The following GSTO2 variants were observed in gnomAD, a reference collection of about 807,000 sequenced individuals.
The protein encoded by GSTO2 is glutathione S-transferase omega-2.
A neutral mutation model predicts 28.4 loss-of-function variants in GSTO2; 23 were observed. That is an observed-to-expected ratio of 0.81 (90% CI 0.58 to 1.15). The LOEUF (loss-of-function observed/expected upper bound fraction) is 1.15, where lower values mean the gene tolerates loss of function less well. Ranked by LOEUF, GSTO2 falls within the 50% of genes most tolerant of loss-of-function variation. The probability of loss-of-function intolerance (pLI) is 0.00; values close to 1 mark genes in which losing one functional copy is unlikely to be tolerated. For missense variants in GSTO2, 298 were observed against 297.8 expected (o/e 1.00, Z 0.00); for synonymous variants, 109 against 111.0 (o/e 0.98, Z 0.11).
intron 6 of GSTO2, among the ~76,000 whole-genome samples, chr10:104,297,894 C>T (rs1322259837): frequency 1.3e-5 from 2 of 152,182 alleles, no homozygotes; most frequent in Non-Finnish European, 2.9e-5. Context: ...TTCTGCAGAT[C>T]AGACCCCTAG....
chr10:104,299,103 C>T, intron 6 of GSTO2, 25 bp from the exon 7 acceptor site: 1 of 1,608,048 alleles, frequency 6.2e-7, no homozygotes, highest in Non-Finnish European at 8.5e-7. Flanking sequence ...CTGCACTGTG[C>T]TGACGCTTCT....
rs979238391 is a variant in GSTO2 at position 104,275,033 on chromosome 10, C to A, written c.34+84C>A. 1.4e-5 allele frequency: 22 copies of A among 1,529,484 alleles called. No homozygotes were observed. In the African/African-American group the frequency reaches 3.1e-4, roughly 22 times the overall value. The allele number at this position is 1,529,484 out of a possible 1,614,324, so 94.7% of individuals were successfully genotyped here. ...TTCGGCGGAGCTGCCTGGCCTTGGC[C>A]TGCAGACCGGCGGGGCAGGAAGGGA... On this transcript the variant is annotated intron_variant, in intron 2 of 6. Coordinates refer to ENST00000338595, the MANE Select transcript of GSTO2 (RefSeq NM_183239.2).
chr10:104,280,282 C>T (rs922077983), intron 5 of GSTO2, among the ~76,000 whole-genome samples: 1 of 150,946 alleles, frequency 6.6e-6, no homozygotes, highest in Non-Finnish European at 1.5e-5. Flanking sequence ...CTCTGTCATC[C>T]TTAGCACAAC....
At position 104,304,551 on chromosome 10, in the gene GSTO2, G is replaced by C. The variant is rs1331478361; in HGVS notation, c.*5267G>C. 2.0e-5 allele frequency: 3 copies of C among 152,096 alleles called. No individual in the cohort carries two copies. The highest frequency in any genetic ancestry group is 7.2e-5 in the African/African-American group (3 of 41,416). 9.4% of individuals were successfully genotyped at this position (152,096 alleles called of 1,614,324 possible). On this transcript the variant is annotated 3_prime_UTR_variant, in exon 7 of 7. Transcript: ENST00000338595. The stretch of plus-strand genomic sequence containing the variant: ...GCCTCAGTTTCTTATCTGTAAAATG[G>C]GACGGCTAAGTACCTATTTCATTGG...
intron 5 of GSTO2, among the ~76,000 whole-genome samples, chr10:104,292,201 C>CT (rs35690921): frequency 0.047 from 6,526 of 137,952 alleles, 465 homozygotes; most frequent in African/African-American, 0.16. Context: ...TGGCCAATAT[C>CT]TTTTTTTTTT....
At chr10:104,279,271 G>A in intron 4 of GSTO2, 99 bp from the exon 5 acceptor site, 1 of 962,258 alleles carries the variant, frequency 1.0e-6, no homozygotes, top group Middle Eastern at 2.5e-4. Context: ...GTGTTGCCCT[G>A]TTAGGCTGGA....
At chr10:104,298,590 T>C (rs951786424) in intron 6 of GSTO2, among the ~76,000 whole-genome samples, 2 of 152,258 alleles carry the variant, frequency 1.3e-5, no homozygotes, top group African/African-American at 4.8e-5. Flanking sequence ...CTTCAGCTTA[T>C]TGCTTTATAA....
At chr10:104,290,069 TC>T (rs2012684343) in intron 5 of GSTO2, among the ~76,000 whole-genome samples, 1 of 152,138 alleles carries the variant, frequency 6.6e-6, no homozygotes, top group East Asian at 1.9e-4. Flanking sequence ...GATCCAGCAA[TC>T]CCACTGCTGG....
intron 5 of GSTO2, among the ~76,000 whole-genome samples, chr10:104,289,134 T>A (rs1010451176): frequency 6.6e-6 from 1 of 152,198 alleles, no homozygotes; most frequent in African/African-American, 2.4e-5. Flanking sequence ...GGTCTCACTC[T>A]GTCACTCAGG....
At position 104,303,978 on chromosome 10, in the gene GSTO2, A is replaced by T. The variant is rs961781241; in HGVS notation, c.*4694A>T. 1.3e-5 allele frequency: 2 copies of T among 152,140 alleles called. No homozygotes were observed. Among genetic ancestry groups the T allele is most frequent in the African/African-American group, 2.4e-5 (1 of 41,428 alleles). The allele number at this position is 152,140 out of a possible 1,614,324, so 9.4% of individuals were successfully genotyped here. On this transcript the variant is annotated 3_prime_UTR_variant, in exon 7 of 7. Transcript: ENST00000338595. Reference sequence around the variant, plus strand: ...TTCTCACCTTCAGGTCTCCTTACCCATGTTTCCTTTGTCAGAGTCATTGGC... The same window carrying T: ...TTCTCACCTTCAGGTCTCCTTACCCTTGTTTCCTTTGTCAGAGTCATTGGC...
In GSTO2 at chr10:104,285,803, A is replaced by G. The variant is rs772154867; in HGVS notation, c.468+6332A>G. 3.3e-4 allele frequency: 68 copies of G among 208,146 alleles called. 1 individual carries two copies. Among genetic ancestry groups the G allele is most frequent in the Non-Finnish European group, 6.0e-4 (59 of 98,666 alleles). 12.9% of individuals were successfully genotyped at this position (208,146 alleles called of 1,614,324 possible). On this transcript the variant is annotated intron_variant, in intron 5 of 6. Coordinates refer to ENST00000338595, the MANE Select transcript of GSTO2 (RefSeq NM_183239.2). ...TTAAACTGTTCTTTCTTCTCATCAA[A>G]AAAGACATTTATTCAAGTTAGATTA...
intron 1 of GSTO2, among the ~76,000 whole-genome samples, chr10:104,269,542 G>A (rs148931908): frequency 1.3e-5 from 2 of 152,298 alleles, no homozygotes; most frequent in East Asian, 3.9e-4. Context: ...GCTGGAAACA[G>A]GCAGAGACCA....
At chr10:104,283,087 A>G (rs994713573) in intron 5 of GSTO2, among the ~76,000 whole-genome samples, 2 of 152,232 alleles carry the variant, frequency 1.3e-5, no homozygotes, top group South Asian at 2.1e-4. Context: ...CCAATGTGCT[A>G]TTTCTAAACT....
Position 104,299,162 on chromosome 10 carries a change from A to T in GSTO2, c.610A>T (p.Ile204Leu). Residue 204 changes from isoleucine to leucine, a missense_variant, in exon 7 of 7, where the codon ATA becomes TTA. Ile to Leu is a conservative substitution (Grantham distance 5, BLOSUM62 2). Transcript: ENST00000338595. Reference sequence around the variant, plus strand: ...CCACACGCCAGCCCTGCGGCTCTGGATATCAGCCATGAAGTGGGACCCCAC... The same window carrying T: ...CCACACGCCAGCCCTGCGGCTCTGGTTATCAGCCATGAAGTGGGACCCCAC... ...VSHTPALRLW[I>L]SAMKWDPTVC... 6.2e-7 allele frequency: 1 copy of T among 1,614,134 alleles called. No homozygotes were observed. Among genetic ancestry groups the T allele is most frequent in the South Asian group, 1.1e-5 (1 of 91,088 alleles).
intron 5 of GSTO2, among the ~76,000 whole-genome samples, chr10:104,282,225 C>CAAAAA (rs71022727): frequency 1.0e-4 from 9 of 88,902 alleles, no homozygotes; most frequent in East Asian, 4.4e-4. Flanking sequence ...GACTCTGTTT[C>CAAAAA]AAAAAAAAAA....
chr10:104,269,562 A>C (rs2011286474), intron 1 of GSTO2, among the ~76,000 whole-genome samples: 1 of 152,146 alleles, frequency 6.6e-6, no homozygotes, highest in Non-Finnish European at 1.5e-5. Flanking sequence ...ACCCCAGATA[A>C]CCAGTTCTCA....
chr10:104,287,670 A>G (rs1398766148), intron 5 of GSTO2, among the ~76,000 whole-genome samples: 1 of 152,124 alleles, frequency 6.6e-6, no homozygotes, highest in East Asian at 1.9e-4. Flanking sequence ...ATAAGTGGCT[A>G]GAAAAGTATC....
chr10:104,279,581 G>A, intron 5 of GSTO2, 110 bp downstream of exon 5: 1 of 687,874 alleles, frequency 1.5e-6, no homozygotes, highest in Non-Finnish European at 2.5e-6. Flanking sequence ...TTCTGCCTTT[G>A]ATAAGTCAGA....
At chr10:104,275,388 C>T (rs2011585126) in intron 3 of GSTO2, 54 bp downstream of exon 3, 6 of 1,554,064 alleles carry the variant, frequency 3.9e-6, no homozygotes, top group Non-Finnish European at 4.4e-6. Flanking sequence ...CACAGGAGCC[C>T]GGGAATGTTT....
Sources: gnomAD v4.1 joint callset for allele counts (sites outside exome capture counted in the v4.1 genomes callset) on GRCh38, gnomAD v4.1.1 for gene constraint, MANE v1.5 for transcripts, NCBI Gene and HGNC (gene_info 2026-07-23, HGNC 2026-07-21) for gene names.